Variants in DOCK2 observed in about 807,000 individuals in gnomAD.
DOCK2 encodes dedicator of cytokinesis 2.
Under a neutral mutation model 248.9 loss-of-function variants are expected in DOCK2, and 87 were observed. The observed-to-expected ratio is 0.35, with a 90% CI of 0.29 to 0.42. The LOEUF (loss-of-function observed/expected upper bound fraction) is 0.42. Ranked by LOEUF, DOCK2 falls within the 10% of genes least tolerant of loss-of-function variation. The pLI, the probability that DOCK2 is intolerant of heterozygous loss-of-function variation, is 1.00. For missense variants in DOCK2, 1,747 were observed against 2,300.2 expected, an observed-to-expected ratio of 0.76 and a Z score of 4.92; for synonymous variants, 805 against 821.6, an observed-to-expected ratio of 0.98 and a Z score of 0.35.
intron 38 of DOCK2, among the ~76,000 whole-genome samples, chr5:170,044,010 G>C (rs1756609596): frequency 6.6e-6 from 1 of 152,266 alleles, no homozygotes. Context: ...TTTGAGAGCA[G>C]AGAGGAGGGA....
chr5:169,743,735 G>A (rs1009919941), intron 22 of DOCK2, among the ~76,000 whole-genome samples: 1 of 151,344 alleles, frequency 6.6e-6, no homozygotes, highest in African/African-American at 2.4e-5. Flanking sequence ...CTTCCCAGCT[G>A]TAGTCATGTC....
At chr5:170,055,211 A>G in intron 41 of DOCK2, 94 bp from the exon 42 acceptor site, 1 of 1,260,986 alleles carries the variant, frequency 7.9e-7, no homozygotes, top group Non-Finnish European at 1.1e-6. Context: ...GTGGCCCCAT[A>G]AAGGCTGGCC....
intron 27 of DOCK2, among the ~76,000 whole-genome samples, chr5:169,888,538 G>A (rs1052676383): frequency 3.3e-5 from 5 of 152,178 alleles, no homozygotes; most frequent in Admixed American, 6.5e-5. Flanking sequence ...AGAAACATTG[G>A]ACAATATCTC....
chr5:169,709,433 G>C (rs1358977667), intron 15 of DOCK2, among the ~76,000 whole-genome samples: 1 of 152,192 alleles, frequency 6.6e-6, no homozygotes, highest in Admixed American at 6.5e-5. Context: ...AGGTGCAGTG[G>C]CTCATGCCTG....
intron 25 of DOCK2, among the ~76,000 whole-genome samples, chr5:169,765,793 G>GTT (rs77873854): frequency 1.7e-4 from 26 of 152,096 alleles, no homozygotes; most frequent in African/African-American, 6.0e-4. Context: ...CAGCTGGTGG[G>GTT]TTTTTTTCAC....
At chr5:169,790,918 C>T in intron 25 of DOCK2, among the ~76,000 whole-genome samples, 1 of 152,156 alleles carries the variant, frequency 6.6e-6, no homozygotes, top group East Asian at 1.9e-4. Flanking sequence ...ATGCCTTCCT[C>T]TATGATTAGG....
Position 169,674,254 on chromosome 5 carries a change from C to A in DOCK2, c.322-43C>A. On this transcript the variant is annotated intron_variant, in intron 5 of 51. Coordinates refer to ENST00000520908, the MANE Select transcript of DOCK2 (RefSeq NM_004946.3). ...ACAGCCTGCCAAATAGATGGTCATGCCCCTTTAACACAGGTAATTATGGGT... is the reference window on the plus strand; with the variant it reads ...ACAGCCTGCCAAATAGATGGTCATGACCCTTTAACACAGGTAATTATGGGT... The A allele has an allele frequency of 1.9e-6, 3 of 1,605,214 alleles. No individual in the cohort carries two copies. The East Asian group carries it at 6.7e-5, about 36-fold the overall frequency.
intron 27 of DOCK2, among the ~76,000 whole-genome samples, chr5:169,853,848 T>G (rs1770748435): frequency 1.3e-4 from 13 of 98,300 alleles, no homozygotes; most frequent in African/African-American, 4.6e-4. Context: ...TTTTTTTTTT[T>G]TGTGGTAGAC....
At chr5:169,754,832 C>T (rs1581143056) in intron 23 of DOCK2, among the ~76,000 whole-genome samples, 1 of 152,230 alleles carries the variant, frequency 6.6e-6, no homozygotes, top group East Asian at 1.9e-4. Flanking sequence ...ACATTTTCCA[C>T]TCATAGAGTA....
chr5:169,675,773 C>A (rs1219796536), intron 6 of DOCK2, among the ~76,000 whole-genome samples: 2 of 152,140 alleles, frequency 1.3e-5, no homozygotes, highest in African/African-American at 4.8e-5. Context: ...AAGAAGTTTC[C>A]CCAGCAGCCA....
intron 27 of DOCK2, among the ~76,000 whole-genome samples, chr5:169,864,111 C>T (rs1486052468): frequency 6.6e-6 from 1 of 152,194 alleles, no homozygotes; most frequent in African/African-American, 2.4e-5. Flanking sequence ...GGTCAGGTGT[C>T]CAGCAGCGGC....
At position 170,050,323 on chromosome 5, in the gene DOCK2, C is replaced by T; in HGVS notation, c.4139C>T (p.Thr1380Ile). The T allele has an allele frequency of 6.2e-7, 1 of 1,614,178 alleles. No homozygotes were observed. The highest frequency in any genetic ancestry group is 8.5e-7 in the Non-Finnish European group (1 of 1,180,024). Reference sequence around the variant, plus strand: ...GAAGATTTCCAGATGCAGCTGATGACCCAGTTCCCCAATGCAGAGAAGATG... The same window carrying T: ...GAAGATTTCCAGATGCAGCTGATGATCCAGTTCCCCAATGCAGAGAAGATG... Reference protein sequence around the residue: ...RREDFQMQLMTQFPNAEKMNT... With the variant: ...RREDFQMQLMIQFPNAEKMNT... Residue 1380 changes from threonine (T) to isoleucine (I), a missense_variant, in exon 41 of 52, where the codon ACC (threonine) becomes ATC (isoleucine). This residue lies in a region of DOCK2 where 513 missense variants were observed against 586.1 expected (regional missense o/e 0.88). Coordinates refer to ENST00000520908, the MANE Select transcript of DOCK2 (RefSeq NM_004946.3).
Position 169,996,101 on chromosome 5 carries a change from T to C in DOCK2, c.3009T>C (p.Ala1003=). 1 of 1,614,000 alleles carries C rather than the reference T, an allele frequency of 6.2e-7. No homozygotes were observed. The highest frequency in any genetic ancestry group is 8.5e-7 in the Non-Finnish European group (1 of 1,179,884). The part of the protein sequence containing the change: ...SMVQNRVFLR[A]INKFAETMNQ... ...CCTCTTCCAGGGTCTTCCTGAGAGC[T>C]ATCAACAAGTTTGCAGAAACCATGA... Residue 1003 remains alanine, a synonymous_variant, in exon 30 of 52, where the codon GCT becomes GCC. Transcript: ENST00000520908.
chr5:170,025,835 C>CCTTCCTTCCTTA (rs1755893687), intron 33 of DOCK2, among the ~76,000 whole-genome samples: 1 of 124,904 alleles, frequency 8.0e-6, no homozygotes, highest in Non-Finnish European at 1.6e-5. Flanking sequence ...TTCCTTCCTT[C>CCTTCCTTCCTTA]CTTCCTTCCT....
At chr5:169,907,282 T>G (rs1774336074) in intron 27 of DOCK2, among the ~76,000 whole-genome samples, 1 of 152,214 alleles carries the variant, frequency 6.6e-6, no homozygotes, top group African/African-American at 2.4e-5. Flanking sequence ...CCAAGTCAGA[T>G]GAACACGCCC....
chr5:170,066,449 G>T (rs1243749290), intron 44 of DOCK2, among the ~76,000 whole-genome samples: 1 of 152,156 alleles, frequency 6.6e-6, no homozygotes, highest in Non-Finnish European at 1.5e-5. Flanking sequence ...TGTTAGTAGG[G>T]TATTTCAATA....
At chr5:169,870,918 A>ATACC (rs397691202) in intron 27 of DOCK2, among the ~76,000 whole-genome samples, 1 of 151,996 alleles carries the variant, frequency 6.6e-6, no homozygotes, top group Non-Finnish European at 1.5e-5. Flanking sequence ...ACATACATAC[A>ATACC]CTTTATTTCT....
chr5:170,034,472 C>T lies in DOCK2; in HGVS notation c.3541C>T (p.Leu1181Phe). 1 of 1,614,146 alleles carries T rather than the reference C, an allele frequency of 6.2e-7. No individual in the cohort carries two copies. Among genetic ancestry groups the T allele is most frequent in the Non-Finnish European group, 8.5e-7 (1 of 1,180,022 alleles). The change falls in exon 35 of 52, where the codon CTC becomes TTC. Residue 1181 changes from leucine to phenylalanine, a missense_variant. Leu to Phe is a conservative substitution (Grantham distance 22). Coordinates refer to ENST00000520908, the MANE Select transcript of DOCK2 (RefSeq NM_004946.3). ...VENFVNLVKG[L>F]LEKLLDYRGV... ...GAACTTCGTGAACCTGGTCAAAGGC[C>T]TCCTGGAGAAGCTGCTGGATTACCG...
At chr5:169,682,041 T>C (rs1394759602) in intron 7 of DOCK2, among the ~76,000 whole-genome samples, 162 bp downstream of exon 7, 2 of 152,244 alleles carry the variant, frequency 1.3e-5, no homozygotes, top group African/African-American at 4.8e-5. Flanking sequence ...GGTTTCGTAC[T>C]CAAATCTGTA....
Sources: gnomAD v4.1 joint callset for allele counts (sites outside exome capture counted in the v4.1 genomes callset) on GRCh38, gnomAD v4.1.1 for gene constraint, gnomAD v4.1.1 regional missense constraint, MANE v1.5 for transcripts, NCBI Gene and HGNC (gene_info 2026-07-23, HGNC 2026-07-21) for gene names.